The following TMEM163 variants were observed in gnomAD, a reference collection of about 807,000 sequenced individuals.
The protein encoded by TMEM163 is transmembrane protein 163.
TMEM163 carries 17 observed loss-of-function variants against 29.3 expected under a neutral mutation model. The observed-to-expected ratio is 0.58, with a 90% CI of 0.40 to 0.87. The LOEUF (loss-of-function observed/expected upper bound fraction) is 0.87. Ranked by LOEUF, TMEM163 falls within the 40% of genes least tolerant of loss-of-function variation. The pLI is 0.00. For missense variants in TMEM163, 303 were observed against 381.5 expected (o/e 0.79, Z 1.71); for synonymous variants, 157 against 160.6 (o/e 0.98, Z 0.17).
At position 134,541,051 on chromosome 2, in the gene TMEM163, C is replaced by G. The variant is rs952563326; in HGVS notation, c.458+9519G>C. ...TAATTAAATCTTTAAACAAAAAACACCCATGGCATTGCAGAAAAAGAATAT... is the reference window on the plus strand; with the variant it reads ...TAATTAAATCTTTAAACAAAAAACAGCCATGGCATTGCAGAAAAAGAATAT... On this transcript the variant is annotated intron_variant, in intron 4 of 7. Transcript: ENST00000281924. 4.6e-5 allele frequency among the ~76,000 whole-genome samples: 7 copies of G among 152,276 alleles called. No individual in the cohort carries two copies. The South Asian group carries it at 1.5e-3, about 32-fold the overall frequency.
intron 2 of TMEM163, among the ~76,000 whole-genome samples, chr2:134,583,550 G>A (rs842362): frequency 0.31 from 46,689 of 152,082 alleles, 8,341 homozygotes; most frequent in Middle Eastern, 0.66. Context: ...ATGGGAGGCC[G>A]TTTGATCTAC....
At chr2:134,617,942 C>A (rs1428514355) in intron 2 of TMEM163, among the ~76,000 whole-genome samples, 3 of 152,024 alleles carry the variant, frequency 2.0e-5, no homozygotes, top group Non-Finnish European at 4.4e-5. Context: ...AAGACCCCAT[C>A]TCTACCAAAA....
chr2:134,690,573 C>T lies in TMEM163; in HGVS notation c.322+22627G>A, dbSNP rs750183692. Among the ~76,000 whole-genome samples the T allele has an allele frequency of 2.6e-5, 4 of 152,208 alleles. No individual in the cohort carries two copies. The South Asian group carries it at 6.2e-4, about 24-fold the overall frequency. ...TGCTGGGATTACAGGCATGAGCCAC[C>T]GCACTCAGCCTATATCGGCAATTTA... On this transcript the variant is annotated intron_variant, in intron 2 of 7. Coordinates refer to ENST00000281924, the MANE Select transcript of TMEM163 (RefSeq NM_030923.5).
chr2:134,695,100 G>A (rs563219704), intron 2 of TMEM163, among the ~76,000 whole-genome samples: 2 of 151,938 alleles, frequency 1.3e-5, no homozygotes, highest in African/African-American at 4.8e-5. Context: ...TTTTTGAGAC[G>A]GAGTCTCGCT....
At chr2:134,532,512 G>A (rs1680438112) in intron 4 of TMEM163, among the ~76,000 whole-genome samples, 2 of 152,234 alleles carry the variant, frequency 1.3e-5, no homozygotes, top group African/African-American at 4.8e-5. Context: ...GATATTTGCA[G>A]AATGTGGATC....
intron 2 of TMEM163, among the ~76,000 whole-genome samples, chr2:134,592,478 T>A (rs570562132): frequency 1.3e-5 from 2 of 152,250 alleles, no homozygotes; most frequent in East Asian, 3.9e-4. Flanking sequence ...CAGAGTCAGG[T>A]TGGAATTTAG....
At chr2:134,674,493 G>A (rs1448305267) in intron 2 of TMEM163, among the ~76,000 whole-genome samples, 1 of 83,600 alleles carries the variant, frequency 1.2e-5, no homozygotes, top group Non-Finnish European at 2.5e-5. Context: ...ACAGGCGCGC[G>A]CGCGCGCGCG....
At chr2:134,559,275 C>CT (rs1681115420) in intron 2 of TMEM163, among the ~76,000 whole-genome samples, 1 of 152,142 alleles carries the variant, frequency 6.6e-6, no homozygotes, top group African/African-American at 2.4e-5. Context: ...CCCCGTAAGG[C>CT]TTGAGTATTG....
intron 2 of TMEM163, among the ~76,000 whole-genome samples, chr2:134,591,466 T>C (rs1681932805): frequency 6.6e-6 from 1 of 152,216 alleles, no homozygotes; most frequent in Admixed American, 6.5e-5. Flanking sequence ...ACCTGTATCT[T>C]GTGCCGATCT....
intron 2 of TMEM163, among the ~76,000 whole-genome samples, chr2:134,633,854 C>T (rs1164954944): frequency 1.3e-5 from 2 of 150,434 alleles, no homozygotes; most frequent in Admixed American, 6.6e-5. Context: ...CCTAGCTACT[C>T]GGGAGGCTGA....
chr2:134,632,888 A>T (rs1048474734), intron 2 of TMEM163, among the ~76,000 whole-genome samples: 1 of 141,366 alleles, frequency 7.1e-6, no homozygotes, highest in South Asian at 2.3e-4. Context: ...GACGACAGGC[A>T]CCCGCCACCA....
intron 4 of TMEM163, among the ~76,000 whole-genome samples, chr2:134,538,010 G>A (rs558845111): frequency 6.6e-6 from 1 of 152,348 alleles, no homozygotes; most frequent in Non-Finnish European, 1.5e-5. Flanking sequence ...CTCTGCTGGT[G>A]GGAATGTAAA....
At chr2:134,685,613 A>G (rs1242122869) in intron 2 of TMEM163, among the ~76,000 whole-genome samples, 3 of 152,238 alleles carry the variant, frequency 2.0e-5, no homozygotes, top group African/African-American at 7.2e-5. Context: ...GCCTAATTAG[A>G]TCTGGAGAAC....
At chr2:134,577,764 T>A (rs1426008724) in intron 2 of TMEM163, among the ~76,000 whole-genome samples, 1 of 149,438 alleles carries the variant, frequency 6.7e-6, no homozygotes. Context: ...CCCTTCTCTG[T>A]GGGTTCTTTA....
chr2:134,575,052 T>A (rs1333288596), intron 2 of TMEM163, among the ~76,000 whole-genome samples: 1 of 85,658 alleles, frequency 1.2e-5, no homozygotes, highest in Non-Finnish European at 2.5e-5. Context: ...TGTGGGGGGG[T>A]GGGGGAAGGG....
intron 2 of TMEM163, among the ~76,000 whole-genome samples, chr2:134,657,144 G>A (rs952828805): frequency 1.3e-4 from 20 of 152,214 alleles, no homozygotes; most frequent in Middle Eastern, 3.4e-3. Context: ...TCAATTTTTC[G>A]GAATACTTTT....
chr2:134,625,857 C>T (rs1682836895), intron 2 of TMEM163, among the ~76,000 whole-genome samples: 1 of 152,192 alleles, frequency 6.6e-6, no homozygotes, highest in Non-Finnish European at 1.5e-5. Flanking sequence ...CCCCACCAAC[C>T]GTCCCACTGT....
In TMEM163 at chr2:134,650,003, T is replaced by C. The variant is rs1019440515; in HGVS notation, c.322+63197A>G. On this transcript the variant is annotated intron_variant, in intron 2 of 7. Coordinates refer to ENST00000281924, the MANE Select transcript of TMEM163 (RefSeq NM_030923.5). ...CTGGGCAACAGAGTGAGACCCTGTC[T>C]TAAAAAAAAAAAAAAAAAAAAAGAA... Among the ~76,000 whole-genome samples, 11 of 80,084 alleles carry C rather than the reference T, an allele frequency of 1.4e-4. No individual in the cohort carries two copies. The South Asian group carries it at 4.2e-3, about 30-fold the overall frequency. 52.5% of individuals were successfully genotyped at this position (80,084 alleles called of 152,430 possible).
chr2:134,516,557 T>C (rs188256295), intron 4 of TMEM163, among the ~76,000 whole-genome samples: 1 of 150,540 alleles, frequency 6.6e-6, no homozygotes, highest in Admixed American at 6.6e-5. Context: ...CAAGACCCTG[T>C]CTCAAAAATA....
Sources: allele counts gnomAD v4.1 joint callset (sites outside exome capture counted in the v4.1 genomes callset), GRCh38; gene constraint gnomAD v4.1.1; transcripts MANE v1.5; gene names NCBI Gene and HGNC (gene_info 2026-07-23, HGNC 2026-07-21).